OCA2: variants seen among roughly 807,000 people sequenced by gnomAD.
The protein encoded by OCA2 is OCA2 melanosomal transmembrane protein.
Under a neutral mutation model 100.2 loss-of-function variants are expected in OCA2, and 77 were observed. The ratio of observed to expected loss-of-function variants is 0.77; its 90% CI spans 0.64 to 0.93. OCA2 has a LOEUF of 0.93. OCA2 is among the 40% of genes least tolerant of loss of function. The probability of loss-of-function intolerance (pLI) is 0.00; values close to 1 mark genes in which losing one functional copy is unlikely to be tolerated. For synonymous variants in OCA2, 432 were observed against 439.2 expected, an observed-to-expected ratio of 0.98 and a Z score of 0.21; for missense variants, 1,062 against 1,089.1, an observed-to-expected ratio of 0.98 and a Z score of 0.35.
chr15:27,760,663 A>T (rs775411247), intron 23 of OCA2, among the ~76,000 whole-genome samples: 15 of 152,092 alleles, frequency 9.9e-5, no homozygotes, highest in Non-Finnish European at 1.9e-4. Context: ...CAAAAGATTA[A>T]AAGTTTCTCA....
At chr15:27,842,167 C>T (rs2035365941) in intron 23 of OCA2, among the ~76,000 whole-genome samples, 2 of 152,242 alleles carry the variant, frequency 1.3e-5, no homozygotes, top group South Asian at 4.1e-4. Flanking sequence ...TTTGGAAGGA[C>T]AATTTATGTC....
intron 14 of OCA2, among the ~76,000 whole-genome samples, chr15:27,969,622 TTTC>T (rs1287962078): frequency 1.3e-5 from 2 of 152,230 alleles, no homozygotes; most frequent in Non-Finnish European, 2.9e-5. Context: ...ACTCAGTCAT[TTTC>T]TTCTTAATTT....
rs1250177131 is a variant in OCA2 at position 27,863,350 on chromosome 15, G to A, written c.2244+7804C>T. On this transcript the variant is annotated intron_variant, in intron 21 of 23. Coordinates refer to ENST00000354638, the MANE Select transcript of OCA2 (RefSeq NM_000275.3). ...GGCTGCACCCTCACTGGGATTCTGA[G>A]AGCTGAGATATGGATTGCCATGAGG... Among the ~76,000 whole-genome samples the A allele has an allele frequency of 2.0e-5, 3 of 152,202 alleles. No homozygotes were observed. The East Asian group carries it at 5.8e-4, about 29-fold the overall frequency.
chr15:28,051,947 A>G (rs558379340), intron 2 of OCA2, among the ~76,000 whole-genome samples: 113 of 152,304 alleles, frequency 7.4e-4, no homozygotes, highest in African/African-American at 2.6e-3. Flanking sequence ...GAAAGCCAGC[A>G]TTTGTAGCTA....
intron 23 of OCA2, among the ~76,000 whole-genome samples, chr15:27,773,046 A>G (rs931976544): frequency 5.3e-5 from 8 of 152,130 alleles, no homozygotes; most frequent in African/African-American, 1.9e-4. Context: ...TGTCTCATTG[A>G]ATTTTTAAAT....
At chr15:27,820,350 C>T (rs1481129686) in intron 23 of OCA2, among the ~76,000 whole-genome samples, 1 of 152,202 alleles carries the variant, frequency 6.6e-6, no homozygotes, top group Non-Finnish European at 1.5e-5. Flanking sequence ...AACACTACTT[C>T]AGCCCATGAT....
At chr15:27,827,242 A>G (rs1239094639) in intron 23 of OCA2, among the ~76,000 whole-genome samples, 1 of 152,238 alleles carries the variant, frequency 6.6e-6, no homozygotes, top group Non-Finnish European at 1.5e-5. Context: ...TGCAGGAGTC[A>G]CACAACGCGA....
Position 27,824,602 on chromosome 15 carries a change from C to CTCTCTCTCTCTCTCTCTCTATATATATA in OCA2, c.2432+20356_2432+20357insTATATATATAGAGAGAGAGAGAGAGAGA. Reference sequence around the variant, plus strand: ...TTTCTCTCTCTCTCTCTCTCTCTCTCTATATATATATATATATATAATATA... The same window carrying CTCTCTCTCTCTCTCTCTCTATATATATA: ...TTTCTCTCTCTCTCTCTCTCTCTCTCTCTCTCTCTCTCTCTCTCTATATATATATATATATATATATATATATAATATA... On this transcript the variant is annotated intron_variant, in intron 23 of 23. Coordinates refer to ENST00000354638, the MANE Select transcript of OCA2 (RefSeq NM_000275.3). Among the ~76,000 whole-genome samples, 199 of 47,484 alleles carry CTCTCTCTCTCTCTCTCTCTATATATATA rather than the reference C, an allele frequency of 4.2e-3. 3 individuals carry two copies. Among genetic ancestry groups the CTCTCTCTCTCTCTCTCTCTATATATATA allele is most frequent in the South Asian group, 0.016 (10 of 642 alleles). The allele number at this position is 47,484 out of a possible 152,430, so 31.2% of individuals were successfully genotyped here.
At chr15:27,805,856 C>T (rs1013203632) in intron 23 of OCA2, among the ~76,000 whole-genome samples, 5 of 152,200 alleles carry the variant, frequency 3.3e-5, no homozygotes, top group African/African-American at 1.2e-4. Flanking sequence ...CTCACACGCC[C>T]GGGGCGTGGG....
chr15:27,842,889 G>T (rs2035393370), intron 23 of OCA2, among the ~76,000 whole-genome samples: 1 of 152,156 alleles, frequency 6.6e-6, no homozygotes, highest in Non-Finnish European at 1.5e-5. Context: ...TATGTGAAAA[G>T]TTCAGTGCCC....
intron 19 of OCA2, among the ~76,000 whole-genome samples, chr15:27,883,526 G>A (rs751652994): frequency 2.0e-5 from 3 of 152,104 alleles, no homozygotes; most frequent in Non-Finnish European, 4.4e-5. Context: ...CTCCCCAACT[G>A]ACCACCTAGA....
At chr15:27,803,383 A>G (rs571974888) in intron 23 of OCA2, among the ~76,000 whole-genome samples, 16 of 152,362 alleles carry the variant, frequency 1.1e-4, no homozygotes, top group African/African-American at 3.8e-4. Context: ...ACAATGGAAT[A>G]TTATTCATCC....
chr15:28,054,443 C>T (rs2141598672), intron 2 of OCA2, among the ~76,000 whole-genome samples: 1 of 152,284 alleles, frequency 6.6e-6, no homozygotes, highest in East Asian at 1.9e-4. Context: ...GGAGCCCCAC[C>T]TCAACGTGTT....
chr15:27,999,838 C>T (rs917394010), intron 9 of OCA2, among the ~76,000 whole-genome samples: 4 of 151,614 alleles, frequency 2.6e-5, no homozygotes, highest in South Asian at 2.1e-4. Flanking sequence ...ATGTACTATC[C>T]GAAAAAGAAA....
At chr15:28,009,768 TCTAA>T (rs777705444) in intron 9 of OCA2, among the ~76,000 whole-genome samples, 1 of 151,972 alleles carries the variant, frequency 6.6e-6, no homozygotes, top group Non-Finnish European at 1.5e-5. Context: ...GTGTAAGTTC[TCTAA>T]CTATAAATGA....
chr15:27,773,842 T>A (rs771142336), intron 23 of OCA2, among the ~76,000 whole-genome samples: 4 of 152,140 alleles, frequency 2.6e-5, no homozygotes, highest in African/African-American at 9.7e-5. Flanking sequence ...TACCCAGGAG[T>A]TGGAAGTCCT....
intron 2 of OCA2, among the ~76,000 whole-genome samples, chr15:28,032,749 C>T (rs1418280549): frequency 5.4e-5 from 8 of 147,876 alleles, no homozygotes; most frequent in South Asian, 4.3e-4. Flanking sequence ...GCCGAGATTG[C>T]ACCACTGCAC....
chr15:27,913,830 GAA>G (rs1567097455), intron 19 of OCA2, among the ~76,000 whole-genome samples: 1 of 56,742 alleles, frequency 1.8e-5, no homozygotes, highest in African/African-American at 6.4e-5. Flanking sequence ...AAGAAAGAAA[GAA>G]AGAAAGGAAA....
the OCA2 span, among the ~76,000 whole-genome samples, chr15:27,749,597 G>A: frequency 2.0e-5 from 3 of 151,886 alleles, no homozygotes; most frequent in Non-Finnish European, 2.9e-5. Context: ...AAATACCAAG[G>A]AATTTTTTTT....
Sources: gnomAD v4.1 joint callset for allele counts (sites outside exome capture counted in the v4.1 genomes callset) on GRCh38, gnomAD v4.1.1 for gene constraint, MANE v1.5 for transcripts, NCBI Gene and HGNC (gene_info 2026-07-23, HGNC 2026-07-21) for gene names.